Variants in GLB1 observed in about 807,000 individuals in gnomAD.
GLB1 encodes beta-galactosidase.
A neutral mutation model predicts 74.0 loss-of-function variants in GLB1; 56 were observed. The ratio of observed to expected loss-of-function variants is 0.76; its 90% confidence interval spans 0.61 to 0.94. The LOEUF (loss-of-function observed/expected upper bound fraction) is 0.94, where lower values mean the gene tolerates loss of function less well. Ranked by LOEUF, GLB1 falls within the 40% of genes least tolerant of loss-of-function variation. The pLI, the probability that GLB1 is intolerant of heterozygous loss-of-function variation, is 0.00. For missense variants in GLB1, 787 were observed against 845.5 expected, an observed-to-expected ratio of 0.93 and a Z score of 0.86; for synonymous variants, 323 against 323.6, an observed-to-expected ratio of 1.00 and a Z score of 0.02.
intron 6 of GLB1, among the ~76,000 whole-genome samples, chr3:33,054,306 C>A (rs1351699697): frequency 2.6e-5 from 4 of 152,202 alleles, no homozygotes; most frequent in Non-Finnish European, 5.9e-5. Flanking sequence ...CCCCATGGGC[C>A]TGGAATACTT....
chr3:33,034,621 G>A (rs1698193584), intron 10 of GLB1: 1 of 723,746 alleles, frequency 1.4e-6, no homozygotes, highest in South Asian at 1.4e-5. Flanking sequence ...TGCTGCACAA[G>A]TTCAATGATG....
At chr3:33,042,269 G>A (rs962646235) in intron 10 of GLB1, among the ~76,000 whole-genome samples, 1 of 151,650 alleles carries the variant, frequency 6.6e-6, no homozygotes, top group African/African-American at 2.4e-5. Context: ...ACTCCTCAAT[G>A]GATTCCCATT....
chr3:33,034,140 G>A (rs1698173336), intron 10 of GLB1: 1 of 626,546 alleles, frequency 1.6e-6, no homozygotes, highest in Non-Finnish European at 3.0e-6. Context: ...AACGGCACCT[G>A]GGAGAAGACC....
chr3:32,991,069 T>C, the GLB1 span, among the ~76,000 whole-genome samples: 6 of 152,134 alleles, frequency 3.9e-5, no homozygotes, highest in African/African-American at 1.4e-4. Context: ...AGAAATCGTA[T>C]CAAAAGATTT....
intron 9 of GLB1, among the ~76,000 whole-genome samples, chr3:33,048,892 A>G (rs1698855141): frequency 6.6e-6 from 1 of 152,150 alleles, no homozygotes; most frequent in African/African-American, 2.4e-5. Flanking sequence ...AGTGGTGCTG[A>G]TAATCTCTAA....
At chr3:33,050,959 T>C (rs931203405) in intron 9 of GLB1, among the ~76,000 whole-genome samples, 1 of 152,242 alleles carries the variant, frequency 6.6e-6, no homozygotes, top group Non-Finnish European at 1.5e-5. Context: ...CCAGGCGCAG[T>C]GGCTCACGCC....
At position 33,021,911 on chromosome 3, in the gene GLB1, G is replaced by C. The variant is rs76705613; in HGVS notation, c.1144-256C>G. Among the ~76,000 whole-genome samples, 10,602 of 152,162 alleles carry C rather than the reference G, an allele frequency of 0.07. 519 individuals are homozygous for C. Among genetic ancestry groups the C allele is most frequent in the East Asian group, 0.24 (1,251 of 5,168 alleles). ...ACATACCTATTCGGAAGTCCAACCT[G>C]CTCAGAGACCTATAAAAGATTCTTA... On this transcript the variant is annotated intron_variant, in intron 11 of 15. Transcript: ENST00000307363.
the GLB1 span, among the ~76,000 whole-genome samples, chr3:32,974,801 C>G: frequency 6.6e-6 from 1 of 152,194 alleles, no homozygotes; most frequent in South Asian, 2.1e-4. Flanking sequence ...TCTATTCAGA[C>G]TCTCAATTAA....
At chr3:33,074,389 G>GAAAGAAAGAAAGAAAGAAAGAAAGA (rs1559412979) in intron 1 of GLB1, among the ~76,000 whole-genome samples, 456 of 38,906 alleles carry the variant, frequency 0.012, 80 homozygotes, top group East Asian at 0.041. Context: ...AGGAAGGAAG[G>GAAAGAAAGAAAGAAAGAAAGAAAGA]AAGAAAGAAA....
downstream of GLB1, among the ~76,000 whole-genome samples, chr3:32,995,144 A>G (rs559962459): frequency 6.6e-6 from 1 of 152,256 alleles, no homozygotes; most frequent in Admixed American, 6.5e-5. Context: ...TTGACCTTAC[A>G]GTGTAGTTCT....
At chr3:33,033,190 A>T (rs1439891098) in intron 10 of GLB1, among the ~76,000 whole-genome samples, 1 of 152,188 alleles carries the variant, frequency 6.6e-6, no homozygotes, top group Non-Finnish European at 1.5e-5. Context: ...CCGGAAGTAC[A>T]TGGGTTGTGG....
intron 9 of GLB1, among the ~76,000 whole-genome samples, chr3:33,051,263 A>C (rs1213090127): frequency 3.3e-5 from 5 of 149,996 alleles, no homozygotes; most frequent in Non-Finnish European, 5.9e-5. Context: ...AAAAGTAAGA[A>C]ATATTATTTT....
intron 10 of GLB1, among the ~76,000 whole-genome samples, chr3:33,043,979 A>G (rs1343678377): frequency 6.6e-6 from 1 of 152,190 alleles, no homozygotes; most frequent in East Asian, 1.9e-4. Flanking sequence ...CAGAACTGGC[A>G]GAGCTACAAA....
At chr3:33,067,338 G>C (rs1347472601) in intron 4 of GLB1, among the ~76,000 whole-genome samples, 1 of 151,672 alleles carries the variant, frequency 6.6e-6, no homozygotes, top group Non-Finnish European at 1.5e-5. Context: ...CCTCTCTGTT[G>C]CCCAGGATGG....
At chr3:32,962,252 A>G in the GLB1 span, among the ~76,000 whole-genome samples, 3 of 152,098 alleles carry the variant, frequency 2.0e-5, no homozygotes, top group South Asian at 6.2e-4. Flanking sequence ...GGAGACAACT[A>G]CATGTCATTA....
the GLB1 span, among the ~76,000 whole-genome samples, chr3:32,975,892 G>A: frequency 3.3e-5 from 5 of 152,230 alleles, no homozygotes; most frequent in Admixed American, 2.6e-4. Context: ...TGACACCAGG[G>A]AGGTGGCTCC....
intron 9 of GLB1, among the ~76,000 whole-genome samples, chr3:33,046,495 A>G (rs1698745824): frequency 6.6e-6 from 1 of 152,098 alleles, no homozygotes; most frequent in African/African-American, 2.4e-5. Flanking sequence ...CTGTGATTCT[A>G]GCAGGTATCA....
At chr3:33,026,000 G>A (rs79972107) in intron 10 of GLB1, among the ~76,000 whole-genome samples, 19,957 of 152,154 alleles carry the variant, frequency 0.13, 1,608 homozygotes, top group East Asian at 0.23. Flanking sequence ...CGAGTCACCC[G>A]CTGGTGGGGG....
intron 10 of GLB1, chr3:33,033,917 G>A: frequency 1.8e-6 from 1 of 542,842 alleles, no homozygotes. Flanking sequence ...GATTTATGAT[G>A]CCCAGATGGA....
Sources: allele counts gnomAD v4.1 joint callset (sites outside exome capture counted in the v4.1 genomes callset), GRCh38; gene constraint gnomAD v4.1.1; transcripts MANE v1.5; gene names NCBI Gene and HGNC (gene_info 2026-07-23, HGNC 2026-07-21).